Variants in ZCCHC4 observed in about 807,000 individuals in gnomAD.
ZCCHC4 encodes the protein rRNA N(6)-adenosine-methyltransferase ZCCHC4.
In ZCCHC4, 54 loss-of-function variants were observed where a neutral mutation model predicts 67.7. That is an observed-to-expected ratio of 0.80 (90% CI 0.64 to 1.00). ZCCHC4 has a LOEUF of 1.00. Among genes scored for constraint, ZCCHC4 ranks in the 50% least tolerant of loss-of-function variants. The pLI, the probability that ZCCHC4 is intolerant of heterozygous loss-of-function variation, is 0.00. For missense variants in ZCCHC4, 609 were observed against 617.0 expected (o/e 0.99, Z 0.14); for synonymous variants, 198 against 213.5 (o/e 0.93, Z 0.63).
At chr4:25,328,296 G>A (rs1427167132) in intron 3 of ZCCHC4, among the ~76,000 whole-genome samples, 3 of 151,976 alleles carry the variant, frequency 2.0e-5, no homozygotes, top group Non-Finnish European at 2.9e-5. Context: ...CTGGAGTGCA[G>A]TGGCACGATC....
chr4:25,330,734 C>G (rs1167963556), intron 3 of ZCCHC4, among the ~76,000 whole-genome samples: 2 of 152,202 alleles, frequency 1.3e-5, no homozygotes, highest in Non-Finnish European at 2.9e-5. Context: ...CAGTGCTCTT[C>G]TGAGTACTTG....
At chr4:25,336,087 G>A (rs767127856) in intron 5 of ZCCHC4, among the ~76,000 whole-genome samples, 2 of 152,150 alleles carry the variant, frequency 1.3e-5, no homozygotes, top group East Asian at 3.8e-4. Flanking sequence ...TGTTATCACC[G>A]TGTTGTGCAG....
chr4:25,356,197 T>C (rs547012384), intron 8 of ZCCHC4, among the ~76,000 whole-genome samples: 3 of 152,344 alleles, frequency 2.0e-5, no homozygotes, highest in African/African-American at 7.2e-5. Context: ...AGAAATTTTC[T>C]ATTTGAAAAT....
chr4:25,315,712 GTTTTT>G (rs3067788), intron 3 of ZCCHC4, among the ~76,000 whole-genome samples: 3 of 131,952 alleles, frequency 2.3e-5, no homozygotes, highest in Non-Finnish European at 3.2e-5. Flanking sequence ...ATTTTTGTGT[GTTTTT>G]TTTTTTTTTT....
At chr4:25,317,504 G>C (rs919099861) in intron 3 of ZCCHC4, among the ~76,000 whole-genome samples, 9 of 152,042 alleles carry the variant, frequency 5.9e-5, no homozygotes, top group Non-Finnish European at 1.0e-4. Flanking sequence ...TTGAGGTCAG[G>C]AGTTCGAGAC....
intron 8 of ZCCHC4, among the ~76,000 whole-genome samples, chr4:25,360,487 T>C (rs1422653436): frequency 1.3e-5 from 2 of 152,212 alleles, no homozygotes; most frequent in African/African-American, 4.8e-5. Flanking sequence ...TCATAACTCA[T>C]ATGCTGCCGT....
At chr4:25,352,223 A>G (rs1720333045) in intron 8 of ZCCHC4, 1 of 985,302 alleles carries the variant, frequency 1.0e-6, no homozygotes, top group Admixed American at 6.2e-5. Flanking sequence ...GGAGTGAGTA[A>G]CTTCACAGCA....
chr4:25,344,113 T>C (rs1208258928), intron 5 of ZCCHC4, among the ~76,000 whole-genome samples: 1 of 152,132 alleles, frequency 6.6e-6, no homozygotes, highest in Non-Finnish European at 1.5e-5. Context: ...TTAAGAAATA[T>C]AGAAAGTTCC....
chr4:25,333,113 T>C, intron 3 of ZCCHC4, 70 bp from the exon 4 acceptor site: 1 of 1,498,112 alleles, frequency 6.7e-7, no homozygotes, highest in Non-Finnish European at 9.0e-7. Context: ...ATGCTAAAAA[T>C]AGCAAAACAC....
Position 25,369,148 on chromosome 4 carries a change from A to G in ZCCHC4, c.1526A>G (p.Gln509Arg), listed in dbSNP as rs772162436. 1 of 1,612,530 alleles carries G rather than the reference A, an allele frequency of 6.2e-7. No homozygotes were observed. Among genetic ancestry groups the G allele is most frequent in the Non-Finnish European group, 8.5e-7 (1 of 1,179,674 alleles). Residue 509 changes from glutamine (Q) to arginine (R), a missense_variant, in exon 13 of 13, where the codon CAA becomes CGA. Coordinates refer to ENST00000302874, the MANE Select transcript of ZCCHC4 (RefSeq NM_024936.3). ...AAGAAAAGGAGGGAAAGAGCCCATC[A>G]ATATCTTGGCTCTTAAATGTCCAGT... ...RRKKRRERAH[Q>R]YLGS
chr4:25,334,754 T>G (rs1273106336), intron 5 of ZCCHC4, among the ~76,000 whole-genome samples: 1 of 152,228 alleles, frequency 6.6e-6, no homozygotes, highest in Admixed American at 6.5e-5. Flanking sequence ...CTTAGTATTT[T>G]TAATGTGTTC....
At chr4:25,353,173 A>C (rs979785514) in intron 8 of ZCCHC4, among the ~76,000 whole-genome samples, 7 of 152,174 alleles carry the variant, frequency 4.6e-5, no homozygotes, top group African/African-American at 1.7e-4. Flanking sequence ...TTTACCTTTT[A>C]AGGTAATATA....
Position 25,312,820 on chromosome 4 carries a change from C to G in ZCCHC4, c.11C>G (p.Ser4Cys), listed in dbSNP as rs754158578. Reference protein sequence around the residue: MAASRNGFEAVEAE... With the variant: MAACRNGFEAVEAE... The stretch of plus-strand genomic sequence containing the variant: ...GACGGCGGCGGGAAGATGGCGGCCT[C>G]CAGGAATGGGTTTGAAGCCGTGGAG... Residue 4 changes from serine (S) to cysteine (C), a missense_variant, in exon 1 of 13, where the codon TCC becomes TGC. By Grantham distance (112) the Ser-to-Cys change is moderately radical (BLOSUM62 -1). Coordinates refer to ENST00000302874, the MANE Select transcript of ZCCHC4 (RefSeq NM_024936.3). 10 of 1,613,272 alleles carry G rather than the reference C, an allele frequency of 6.2e-6. No individual in the cohort carries two copies. In the Admixed American group the frequency reaches 1.7e-4, roughly 27 times the overall value.
At chr4:25,352,026 C>A in intron 8 of ZCCHC4, 3 of 1,010,426 alleles carry the variant, frequency 3.0e-6, no homozygotes, top group Non-Finnish European at 3.5e-6. Flanking sequence ...ATTTTGCAGC[C>A]CCCCCACCCC....
At position 25,333,548 on chromosome 4, in the gene ZCCHC4, G is replaced by A. The variant is rs968442420; in HGVS notation, c.605+90G>A. 8 of 1,360,642 alleles carry A rather than the reference G, an allele frequency of 5.9e-6. No homozygotes were observed. The Admixed American group carries it at 1.4e-4, about 24-fold the overall frequency. 84.3% of individuals were successfully genotyped at this position (1,360,642 alleles called of 1,614,324 possible). A position where few individuals can be genotyped will look rare whatever the true frequency, so the allele number is the denominator to read the frequency against. On this transcript the variant is annotated intron_variant, in intron 4 of 12. Coordinates refer to ENST00000302874, the MANE Select transcript of ZCCHC4 (RefSeq NM_024936.3). ...TTAAGTAGTTACTTACTCTGTGCAA[G>A]GTATAGCATGAAGCTTTGAGTATTT...
chr4:25,336,287 C>T (rs1719453820), intron 5 of ZCCHC4, among the ~76,000 whole-genome samples: 1 of 152,156 alleles, frequency 6.6e-6, no homozygotes, highest in Non-Finnish European at 1.5e-5. Flanking sequence ...GTTTTCAAGG[C>T]TCACCCATGC....
Position 25,349,584 on chromosome 4 carries a change from A to G in ZCCHC4, c.852A>G (p.Glu284=), listed in dbSNP as rs758186304. Residue 284 remains glutamate (E), a synonymous_variant, in exon 7 of 13, where the codon GAA becomes GAG. Coordinates refer to ENST00000302874, the MANE Select transcript of ZCCHC4 (RefSeq NM_024936.3). Reference sequence around the variant, plus strand: ...ATCCTCCGTTTGGTGGCTTGGTTGAACCTCTGGCTATTACATTCAAGAAGT... The same window carrying G: ...ATCCTCCGTTTGGTGGCTTGGTTGAGCCTCTGGCTATTACATTCAAGAAGT... The part of the protein sequence containing the change: ...VTDPPFGGLV[E]PLAITFKKLI... 1.9e-6 allele frequency: 3 copies of G among 1,613,894 alleles called. No homozygotes were observed. In the South Asian group the frequency reaches 3.3e-5, roughly 18 times the overall value.
chr4:25,368,513 G>A (rs1457541084), intron 12 of ZCCHC4, among the ~76,000 whole-genome samples: 1 of 152,190 alleles, frequency 6.6e-6, no homozygotes, highest in East Asian at 1.9e-4. Flanking sequence ...CGTGGCACTT[G>A]TCAGGACTTT....
chr4:25,316,252 C>T (rs1236001769), intron 3 of ZCCHC4, among the ~76,000 whole-genome samples: 3 of 152,174 alleles, frequency 2.0e-5, no homozygotes, highest in African/African-American at 4.8e-5. Context: ...GCTGTGTCTA[C>T]TTTTTTGCTG....
Sources: allele counts gnomAD v4.1 joint callset (sites outside exome capture counted in the v4.1 genomes callset), GRCh38; gene constraint gnomAD v4.1.1; transcripts MANE v1.5; gene names NCBI Gene and HGNC (gene_info 2026-07-23, HGNC 2026-07-21).